The following ST8SIA2 variants were observed in gnomAD, a reference collection of about 807,000 sequenced individuals.
ST8SIA2 encodes ST8 alpha-N-acetyl-neuraminide alpha-2,8-sialyltransferase 2, also known as alpha-2,8-sialyltransferase 8B.
In ST8SIA2, 22 loss-of-function variants were observed where a neutral mutation model predicts 37.6. That is an observed-to-expected ratio of 0.58 (90% CI 0.42 to 0.83). The LOEUF is 0.83. Ranked by LOEUF, ST8SIA2 falls within the 40% of genes least tolerant of loss-of-function variation. ST8SIA2 has a pLI of 0.00. For synonymous variants in ST8SIA2, 205 were observed against 201.2 expected, an observed-to-expected ratio of 1.02 and a Z score of -0.16; for missense variants, 382 against 484.7, an observed-to-expected ratio of 0.79 and a Z score of 1.99.
intron 1 of ST8SIA2, among the ~76,000 whole-genome samples, chr15:92,403,811 C>T (rs1257583717): frequency 1.3e-5 from 2 of 152,178 alleles, no homozygotes; most frequent in South Asian, 2.1e-4. Context: ...TTTAGGTGGA[C>T]TCAGGATGAT....
chr15:92,410,443 A>G (rs1010049460), intron 1 of ST8SIA2, among the ~76,000 whole-genome samples: 5 of 152,338 alleles, frequency 3.3e-5, no homozygotes, highest in African/African-American at 1.2e-4. Flanking sequence ...AACTTGCAGG[A>G]CGGGGAGCAA....
chr15:92,409,821 G>T (rs561937976), intron 1 of ST8SIA2, among the ~76,000 whole-genome samples: 7 of 152,228 alleles, frequency 4.6e-5, no homozygotes, highest in Non-Finnish European at 8.8e-5. Context: ...CATGAGCTTT[G>T]TGCAGTCATT....
intron 5 of ST8SIA2, 148 bp from the exon 6 acceptor site, chr15:92,463,952 G>A: frequency 8.6e-7 from 1 of 1,157,352 alleles, no homozygotes; most frequent in South Asian, 1.6e-5. Flanking sequence ...TCACTCCTCT[G>A]TGGAGGGAAC....
At chr15:92,430,261 G>T in intron 2 of ST8SIA2, 150 bp downstream of exon 2, 2 of 814,772 alleles carry the variant, frequency 2.5e-6, no homozygotes, top group Non-Finnish European at 4.1e-6. Context: ...CACTTTTGGG[G>T]GGAGCTGTCA....
At position 92,464,213 on chromosome 15, in the gene ST8SIA2, C is replaced by T. The variant is rs199682795; in HGVS notation, c.956C>T (p.Pro319Leu). The T allele has an allele frequency of 1.6e-4, 254 of 1,613,858 alleles. No homozygotes were observed. The Middle Eastern group carries it at 1.8e-3, about 12-fold the overall frequency. The change falls in exon 6 of 6, where the codon CCG becomes CTG. Residue 319 changes from proline to leucine, a missense_variant. Pro to Leu is a moderately conservative substitution (Grantham distance 98). Transcript: ENST00000268164. The stretch of plus-strand genomic sequence containing the variant: ...TACCTCTACGGCTTCTGGCCCTTTC[C>T]GCTGGATCAGAACCAGAACCCAGTC... The part of the protein sequence containing the change: ...QIYLYGFWPF[P>L]LDQNQNPVKY...
intron 3 of ST8SIA2, among the ~76,000 whole-genome samples, chr15:92,437,195 G>A (rs1338641314): frequency 6.6e-6 from 1 of 152,192 alleles, no homozygotes; most frequent in Non-Finnish European, 1.5e-5. Context: ...TTCTAGATAG[G>A]AATTTGCAGC....
rs1463621746 is a variant in ST8SIA2, at chr15:92,466,616, A to G, written c.*2231A>G. On this transcript the variant is annotated 3_prime_UTR_variant, in exon 6 of 6. Coordinates refer to ENST00000268164, the MANE Select transcript of ST8SIA2 (RefSeq NM_006011.4). The stretch of plus-strand genomic sequence containing the variant: ...CCAGAACATGGTTTTCCTTCTGCCT[A>G]TCTTAGTCATGGCTCCTAAAATTGA... The G allele has an allele frequency of 6.6e-6, 1 of 152,150 alleles. No homozygotes were observed. The highest frequency in any genetic ancestry group is 1.5e-5 in the Non-Finnish European group (1 of 68,054). The allele number at this position is 152,150 out of a possible 1,614,324, so 9.4% of individuals were successfully genotyped here. A position where few individuals can be genotyped will look rare whatever the true frequency, so the allele number is the denominator to read the frequency against.
intron 4 of ST8SIA2, among the ~76,000 whole-genome samples, chr15:92,444,194 A>C (rs1197676616): frequency 6.6e-6 from 1 of 152,212 alleles, no homozygotes; most frequent in Non-Finnish European, 1.5e-5. Context: ...CAGGAAGCAC[A>C]GAGAGGTTGA....
rs562178032 is a variant in ST8SIA2 at position 92,433,119 on chromosome 15, G to A, written c.162-1128G>A. Among the ~76,000 whole-genome samples, 352 of 150,824 alleles carry A rather than the reference G, an allele frequency of 2.3e-3. 1 individual carries two copies. The highest frequency in any genetic ancestry group is 6.8e-3 in the Middle Eastern group (2 of 292). ...CACCCCAGCCTGGGTGACAGAGCCC[G>A]CCTCTGTCTCCAAAAAAAAAAAAAG... is the stretch of plus-strand genomic sequence containing the variant. On this transcript the variant is annotated intron_variant, in intron 2 of 5. Coordinates refer to ENST00000268164, the MANE Select transcript of ST8SIA2 (RefSeq NM_006011.4).
At chr15:92,436,166 T>A (rs926262400) in intron 3 of ST8SIA2, among the ~76,000 whole-genome samples, 1 of 152,212 alleles carries the variant, frequency 6.6e-6, no homozygotes, top group Non-Finnish European at 1.5e-5. Context: ...TCCGCAAAGA[T>A]GTTCTTTTGA....
At chr15:92,402,869 G>C (rs561040562) in intron 1 of ST8SIA2, among the ~76,000 whole-genome samples, 15 of 151,058 alleles carry the variant, frequency 9.9e-5, no homozygotes, top group East Asian at 7.7e-4. Flanking sequence ...GAGAGAGAGA[G>C]AGACACACTG....
At chr15:92,439,660 A>G (rs1164910286) in intron 4 of ST8SIA2, among the ~76,000 whole-genome samples, 2 of 152,144 alleles carry the variant, frequency 1.3e-5, no homozygotes, top group Admixed American at 1.3e-4. Context: ...ATCCTCTGGG[A>G]TTGAAACGCT....
At chr15:92,394,268 A>G in intron 1 of ST8SIA2, 106 bp downstream of exon 1, 2 of 1,021,012 alleles carry the variant, frequency 2.0e-6, no homozygotes, top group East Asian at 2.8e-5. Flanking sequence ...GCCCCGCTGT[A>G]GCTCCGCTGG....
rs1392635474 is a variant in ST8SIA2, at chr15:92,466,737, CCG to C, written c.*2353_*2354del. 1 of 152,314 alleles carries C rather than the reference CCG, an allele frequency of 6.6e-6. No individual in the cohort carries two copies. Among genetic ancestry groups the C allele is most frequent in the East Asian group, 1.9e-4 (1 of 5,198 alleles). The allele number at this position is 152,314 out of a possible 1,614,324, so 9.4% of individuals were successfully genotyped here. The stretch of plus-strand genomic sequence containing the variant: ...GACCCCAGGACAATCAACATGTGCA[CCG>C]TTCCCCTCCTCGGCTTGAGTCCTGC... On this transcript the variant is annotated 3_prime_UTR_variant, in exon 6 of 6. Transcript: ENST00000268164.
At chr15:92,443,422 G>A (rs1264629795) in intron 4 of ST8SIA2, among the ~76,000 whole-genome samples, 1 of 152,142 alleles carries the variant, frequency 6.6e-6, no homozygotes, top group Non-Finnish European at 1.5e-5. Flanking sequence ...GCTCACCCAG[G>A]CAGCCTGATT....
Position 92,468,214 on chromosome 15 carries a change from C to T in ST8SIA2, c.*3829C>T, listed in dbSNP as rs1596254843. 1 of 152,742 alleles carries T rather than the reference C, an allele frequency of 6.5e-6. No homozygotes were observed. The highest frequency in any genetic ancestry group is 1.9e-4 in the East Asian group (1 of 5,184). 9.5% of individuals were successfully genotyped at this position (152,742 alleles called of 1,614,324 possible). A position where few individuals can be genotyped will look rare whatever the true frequency, so the allele number is the denominator to read the frequency against. On this transcript the variant is annotated 3_prime_UTR_variant, in exon 6 of 6. Transcript: ENST00000268164. Reference sequence around the variant, plus strand: ...GAACATGCACAGTGATTTTCCTCTCCCGTTGCACACAAACCTTTAAAAGTT... The same window carrying T: ...GAACATGCACAGTGATTTTCCTCTCTCGTTGCACACAAACCTTTAAAAGTT...
At chr15:92,457,685 G>T (rs1397195261) in intron 5 of ST8SIA2, among the ~76,000 whole-genome samples, 1 of 152,188 alleles carries the variant, frequency 6.6e-6, no homozygotes, top group Non-Finnish European at 1.5e-5. Context: ...ACGGAGGAGA[G>T]ATAAAGGAAA....
At chr15:92,438,315 C>A in intron 3 of ST8SIA2, 38 bp from the exon 4 acceptor site, 1 of 1,614,132 alleles carries the variant, frequency 6.2e-7, no homozygotes, top group Non-Finnish European at 8.5e-7. Context: ...GCAGCTGGCA[C>A]CCTGGAGAAT....
At chr15:92,402,862 A>G (rs188324482) in intron 1 of ST8SIA2, among the ~76,000 whole-genome samples, 2 of 152,086 alleles carry the variant, frequency 1.3e-5, no homozygotes, top group East Asian at 3.9e-4. Flanking sequence ...AGAGAGAGAG[A>G]GAGAGAGAGA....
Sources: gnomAD v4.1 joint callset for allele counts (sites outside exome capture counted in the v4.1 genomes callset) on GRCh38, gnomAD v4.1.1 for gene constraint, MANE v1.5 for transcripts, NCBI Gene and HGNC (gene_info 2026-07-23, HGNC 2026-07-21) for gene names.